TENM3: variants seen among roughly 807,000 people sequenced by gnomAD.
TENM3 encodes the protein teneurin transmembrane protein 3.
Under a neutral mutation model 255.1 loss-of-function variants are expected in TENM3, and 63 were observed. The ratio of observed to expected loss-of-function variants is 0.25; its 90% CI spans 0.20 to 0.30. The LOEUF (loss-of-function observed/expected upper bound fraction) is 0.30, where lower values mean the gene tolerates loss of function less well. TENM3 is among the 10% of genes least tolerant of loss of function. The pLI is 1.00. For synonymous variants in TENM3, 1,306 were observed against 1,322.3 expected, an observed-to-expected ratio of 0.99 and a Z score of 0.27; for missense variants, 2,929 against 3,461.1, an observed-to-expected ratio of 0.85 and a Z score of 3.86.
At chr4:182,681,069 C>A (rs2152566015) in intron 10 of TENM3, among the ~76,000 whole-genome samples, 1 of 152,172 alleles carries the variant, frequency 6.6e-6, no homozygotes, top group Non-Finnish European at 1.5e-5. Flanking sequence ...GCTTCTAAAT[C>A]TAGCATTTTG....
chr4:182,715,267 G>A (rs1353182515), intron 13 of TENM3, among the ~76,000 whole-genome samples: 4 of 152,158 alleles, frequency 2.6e-5, no homozygotes, highest in African/African-American at 4.8e-5. Context: ...CACTTGCCAC[G>A]TGTGTTAGGT....
At chr4:181,685,089 G>GT in the TENM3 span, among the ~76,000 whole-genome samples, 5 of 151,768 alleles carry the variant, frequency 3.3e-5, no homozygotes, top group Non-Finnish European at 7.4e-5. Flanking sequence ...GTTTTGTTTT[G>GT]TTTGTTTGTT....
the TENM3 span, among the ~76,000 whole-genome samples, chr4:181,505,780 T>C: frequency 1.3e-5 from 2 of 152,208 alleles, no homozygotes; most frequent in African/African-American, 4.8e-5. Context: ...GGTTCTCTGC[T>C]AACTTCTCCA....
rs541906256 is a variant in TENM3 at position 182,443,517 on chromosome 4, A to C, written c.511+96588A>C. On this transcript the variant is annotated intron_variant, in intron 3 of 27. Coordinates refer to ENST00000511685, the MANE Select transcript of TENM3 (RefSeq NM_001080477.4). ...CTCAGTTCCTGGCATCCACAGCCCC[A>C]GCTAACTCTTGCTGGCCATCTGGAT... Among the ~76,000 whole-genome samples, 3 of 152,302 alleles carry C rather than the reference A, an allele frequency of 2.0e-5. No homozygotes were observed. In the East Asian group the frequency reaches 5.8e-4, roughly 29 times the overall value.
chr4:181,757,748 T>C, the TENM3 span, among the ~76,000 whole-genome samples: 1 of 152,162 alleles, frequency 6.6e-6, no homozygotes, highest in Non-Finnish European at 1.5e-5. Flanking sequence ...CCCAAAATAA[T>C]TCATGAGACC....
intron 1 of TENM3, among the ~76,000 whole-genome samples, chr4:182,323,438 A>C (rs1763182964): frequency 6.7e-6 from 1 of 148,544 alleles, no homozygotes; most frequent in Admixed American, 6.7e-5. Flanking sequence ...AAAAAAAAAA[A>C]GTTCAATGCA....
the TENM3 span, among the ~76,000 whole-genome samples, chr4:181,957,490 A>G: frequency 6.6e-6 from 1 of 152,212 alleles, no homozygotes; most frequent in Non-Finnish European, 1.5e-5. Context: ...ACCAAAACCC[A>G]ATTTTTAAGA....
intron 11 of TENM3, among the ~76,000 whole-genome samples, chr4:182,686,814 A>G (rs1756612495): frequency 6.6e-6 from 1 of 152,164 alleles, no homozygotes; most frequent in South Asian, 2.1e-4. Flanking sequence ...TTGAATAAAA[A>G]GGGTACCTCA....
Position 182,796,727 on chromosome 4 carries a change from C to T in TENM3, c.7304C>T (p.Ser2435Phe). Residue 2435 changes from serine (S) to phenylalanine (F), a missense_variant, in exon 27 of 28, where the codon TCT becomes TTT. Around this residue, in one of 6 missense-constraint regions of TENM3, gnomAD observed 476 missense variants for 480.1 expected, o/e 0.99. Coordinates refer to ENST00000511685, the MANE Select transcript of TENM3 (RefSeq NM_001080477.4). Reference sequence around the variant, plus strand: ...CCCAAATTTGATTTAACAGAACCTTCTTACGAACTTGTGAAGAGTCAGCAG... The same window carrying T: ...CCCAAATTTGATTTAACAGAACCTTTTTACGAACTTGTGAAGAGTCAGCAG... ...PVPKFDLTEPSYELVKSQQWD... is the reference protein window; with the variant it reads ...PVPKFDLTEPFYELVKSQQWD... 1 of 1,611,662 alleles carries T rather than the reference C, an allele frequency of 6.2e-7. No individual in the cohort carries two copies. Among genetic ancestry groups the T allele is most frequent in the South Asian group, 1.1e-5 (1 of 90,482 alleles).
At chr4:182,474,906 C>A (rs947544158) in intron 3 of TENM3, among the ~76,000 whole-genome samples, 1 of 152,190 alleles carries the variant, frequency 6.6e-6, no homozygotes, top group African/African-American at 2.4e-5. Flanking sequence ...CTCCCTAATG[C>A]TGTTGTCCTC....
At chr4:182,434,586 C>T (rs1219660468) in intron 3 of TENM3, among the ~76,000 whole-genome samples, 4 of 151,492 alleles carry the variant, frequency 2.6e-5, no homozygotes, top group Non-Finnish European at 5.9e-5. Context: ...TCACTTGAAC[C>T]CAGGAGGCAG....
At chr4:182,392,790 G>A (rs889706221) in intron 3 of TENM3, among the ~76,000 whole-genome samples, 4 of 152,152 alleles carry the variant, frequency 2.6e-5, no homozygotes, top group African/African-American at 9.7e-5. Context: ...GAGGATGTGG[G>A]GCTTCAGGTT....
chr4:181,734,047 A>G, the TENM3 span, among the ~76,000 whole-genome samples: 1 of 152,312 alleles, frequency 6.6e-6, no homozygotes, highest in Non-Finnish European at 1.5e-5. Flanking sequence ...ATTTCCTTTT[A>G]TACTGAATGC....
chr4:181,732,212 G>C, the TENM3 span, among the ~76,000 whole-genome samples: 1 of 152,182 alleles, frequency 6.6e-6, no homozygotes, highest in Non-Finnish European at 1.5e-5. Context: ...GGGAGAAGGA[G>C]CTAGAAGGAT....
the TENM3 span, among the ~76,000 whole-genome samples, chr4:181,699,472 A>AAAAAAAAAAAAT: frequency 3.8e-5 from 5 of 133,054 alleles, no homozygotes; most frequent in African/African-American, 1.5e-4. Flanking sequence ...AAAAAAAAAA[A>AAAAAAAAAAAAT]GAAAGAAAGA....
chr4:181,855,061 T>C, the TENM3 span, among the ~76,000 whole-genome samples: 1 of 152,150 alleles, frequency 6.6e-6, no homozygotes, highest in South Asian at 2.1e-4. Context: ...AAAATAAACA[T>C]ACAAGAACTG....
chr4:182,060,713 A>G, the TENM3 span, among the ~76,000 whole-genome samples: 1 of 152,190 alleles, frequency 6.6e-6, no homozygotes, highest in African/African-American at 2.4e-5. Flanking sequence ...ACATACAGAA[A>G]CATAAACTGA....
At chr4:182,405,390 G>A (rs1726935333) in intron 3 of TENM3, among the ~76,000 whole-genome samples, 2 of 152,196 alleles carry the variant, frequency 1.3e-5, no homozygotes, top group South Asian at 2.1e-4. Flanking sequence ...TGATGAGAGC[G>A]TACCTAAGGT....
chr4:182,530,286 C>G (rs958861548), intron 3 of TENM3, among the ~76,000 whole-genome samples: 1 of 152,158 alleles, frequency 6.6e-6, no homozygotes, highest in African/African-American at 2.4e-5. Flanking sequence ...CAACAGGCTG[C>G]CTCTCCAAAG....
Sources: allele counts gnomAD v4.1 joint callset (sites outside exome capture counted in the v4.1 genomes callset), GRCh38; gene constraint gnomAD v4.1.1; regional missense constraint gnomAD v4.1.1; transcripts MANE v1.5; gene names NCBI Gene and HGNC (gene_info 2026-07-23, HGNC 2026-07-21).